Variants in TSPAN9 observed in about 807,000 individuals in gnomAD.
The protein encoded by TSPAN9 is tetraspanin-9.
A neutral mutation model predicts 31.0 loss-of-function variants in TSPAN9; 16 were observed. The observed-to-expected ratio is 0.52, with a 90% confidence interval of 0.35 to 0.78. The LOEUF is 0.78. Among genes scored for constraint, TSPAN9 ranks in the 30% least tolerant of loss-of-function variants. The probability of loss-of-function intolerance (pLI) is 0.01; values close to 1 mark genes in which losing one functional copy is unlikely to be tolerated. For synonymous variants in TSPAN9, 145 were observed against 121.6 expected (o/e 1.19, Z -1.27); for missense variants, 272 against 312.5 (o/e 0.87, Z 0.98).
rs1053907460 is a variant in TSPAN9, at chr12:3,280,599, G to T, written c.432+116G>T. ...ACCTGTGCTTTCTGGATTTTAGCCG[G>T]GAGTGGAGTGGTACCCACGGGGGCA... On this transcript the variant is annotated intron_variant, in intron 6 of 8. Coordinates refer to ENST00000011898, the MANE Select transcript of TSPAN9 (RefSeq NM_006675.5). This position sits in a 1 kb window ranked among gnomAD's most constrained non-coding sequence, Gnocchi z 4.5. 3 of 922,478 alleles carry T rather than the reference G, an allele frequency of 3.3e-6. No homozygotes were observed. Among genetic ancestry groups the T allele is most frequent in the Non-Finnish European group, 5.0e-6 (3 of 602,942 alleles). The allele number at this position is 922,478 out of a possible 1,614,324, so 57.1% of individuals were successfully genotyped here. A position where few individuals can be genotyped will look rare whatever the true frequency, so the allele number is the denominator to read the frequency against.
At chr12:3,278,050 A>C (rs191788899) in intron 3 of TSPAN9, among the ~76,000 whole-genome samples, 312 of 152,278 alleles carry the variant, frequency 2.0e-3, no homozygotes, top group Non-Finnish European at 3.5e-3. Context: ...TCCGTCTTGG[A>C]CACTGGGGCC....
chr12:3,131,217 G>A (rs955578062), intron 2 of TSPAN9, among the ~76,000 whole-genome samples: 1 of 151,444 alleles, frequency 6.6e-6, no homozygotes, highest in Non-Finnish European at 1.5e-5. Context: ...GTCCCAGCCG[G>A]CCTTCGAGGT....
intron 2 of TSPAN9, among the ~76,000 whole-genome samples, chr12:3,118,451 G>T (rs1489781564): frequency 1.3e-5 from 2 of 151,506 alleles, no homozygotes; most frequent in Non-Finnish European, 2.9e-5. Context: ...TGTAGAGACG[G>T]GGTTTTACCA....
intron 1 of TSPAN9, among the ~76,000 whole-genome samples, chr12:3,080,674 A>G (rs549757626): frequency 6.6e-6 from 1 of 152,326 alleles, no homozygotes; most frequent in Non-Finnish European, 1.5e-5. Flanking sequence ...CCATTCTTAA[A>G]TGTACAGTTC....
At chr12:3,191,725 A>G (rs2098364522) in intron 2 of TSPAN9, among the ~76,000 whole-genome samples, 1 of 152,186 alleles carries the variant, frequency 6.6e-6, no homozygotes, top group South Asian at 2.1e-4. Flanking sequence ...AGTACTGGGT[A>G]CTGGGTGTAA....
intron 3 of TSPAN9, among the ~76,000 whole-genome samples, chr12:3,206,020 A>C (rs915311207): frequency 2.0e-5 from 3 of 152,298 alleles, no homozygotes; most frequent in African/African-American, 4.8e-5. Context: ...GGTAGAGAAG[A>C]GAAAGTCCCA....
intron 3 of TSPAN9, among the ~76,000 whole-genome samples, chr12:3,246,137 A>AG (rs35119180): frequency 0.79 from 118,732 of 150,790 alleles, 51,572 homozygotes; most frequent in Non-Finnish European, 0.97. Context: ...TGGAAGATGA[A>AG]GGGGAACAGG....
chr12:3,210,161 C>A (rs1051651667), intron 3 of TSPAN9, among the ~76,000 whole-genome samples: 1 of 151,508 alleles, frequency 6.6e-6, no homozygotes, highest in Non-Finnish European at 1.5e-5. Context: ...AAAAAAGTTT[C>A]TAAGCATGAA....
At chr12:3,141,380 C>T (rs1157741497) in intron 2 of TSPAN9, among the ~76,000 whole-genome samples, 1 of 152,166 alleles carries the variant, frequency 6.6e-6, no homozygotes, top group East Asian at 1.9e-4. Context: ...GGTCTCCCAG[C>T]CTGGTGGTGA....
intron 3 of TSPAN9, among the ~76,000 whole-genome samples, chr12:3,213,571 G>A (rs138723369): frequency 3.2e-4 from 49 of 152,278 alleles, no homozygotes; most frequent in African/African-American, 9.9e-4. Flanking sequence ...CTGAGTGCAC[G>A]AGGTGCTCAC....
At chr12:3,214,815 A>G (rs1391274890) in intron 3 of TSPAN9, among the ~76,000 whole-genome samples, 20 of 151,982 alleles carry the variant, frequency 1.3e-4, no homozygotes, top group Admixed American at 1.3e-3. Context: ...TATTGTTAGA[A>G]GCCTTAATTA....
rs1157759899 is a variant in TSPAN9, at chr12:3,283,108, G to A, written c.712G>A (p.Asp238Asn). Residue 238 changes from aspartate to asparagine, a missense_variant, in exon 9 of 9, where the codon GAC becomes AAC. Physicochemically the swap from Asp to Asn is conservative, Grantham distance 23 (BLOSUM62 1). Coordinates refer to ENST00000011898, the MANE Select transcript of TSPAN9 (RefSeq NM_006675.5). Reference protein sequence around the residue: ...QHIHRTGKKYDA With the variant: ...QHIHRTGKKYNA ...CATCCACCGGACTGGTAAGAAGTAC[G>A]ACGCATGAGCGGGCTGGCCGGGAGT... is the stretch of plus-strand genomic sequence containing the variant. 10 of 1,608,702 alleles carry A rather than the reference G, an allele frequency of 6.2e-6. No individual in the cohort carries two copies. The highest frequency in any genetic ancestry group is 4.5e-5 in the East Asian group (2 of 44,874).
chr12:3,206,315 C>G (rs766744013), intron 3 of TSPAN9: 3 of 455,934 alleles, frequency 6.6e-6, no homozygotes. Flanking sequence ...TGACTGGGCT[C>G]GCAGAGGGCG....
At chr12:3,218,343 C>A (rs374629883) in intron 3 of TSPAN9, among the ~76,000 whole-genome samples, 1 of 152,188 alleles carries the variant, frequency 6.6e-6, no homozygotes, top group Non-Finnish European at 1.5e-5. Flanking sequence ...GAGGCGTGTT[C>A]TCTGCTTTTA....
At chr12:3,081,324 G>T (rs138551152) in intron 1 of TSPAN9, among the ~76,000 whole-genome samples, 1 of 152,082 alleles carries the variant, frequency 6.6e-6, no homozygotes, top group African/African-American at 2.4e-5. Flanking sequence ...CGGTGCATTC[G>T]CCTGGCATTC....
rs1565582007 is a variant in TSPAN9, at chr12:3,118,257, T to TTTTTTTTTTTTTTG, written c.-18+34551_-18+34552insGTTTTTTTTTTTTT. On this transcript the variant is annotated intron_variant, in intron 2 of 8. Coordinates refer to ENST00000011898, the MANE Select transcript of TSPAN9 (RefSeq NM_006675.5). ...TTCCGCACCGCCCCTGCACCCGCCG[T>TTTTTTTTTTTTTTG]TTTTTTTTTTTTTTTTTTTTTTTGA... 1.4e-4 allele frequency among the ~76,000 whole-genome samples: 5 copies of TTTTTTTTTTTTTTG among 36,358 alleles called. 1 individual carries two copies. The highest frequency in any genetic ancestry group is 1.9e-4 in the Non-Finnish European group (4 of 21,430). The allele number at this position is 36,358 out of a possible 152,430, so 23.9% of individuals were successfully genotyped here.
chr12:3,153,657 G>A (rs552323238), intron 2 of TSPAN9, among the ~76,000 whole-genome samples: 2 of 152,236 alleles, frequency 1.3e-5, no homozygotes, highest in East Asian at 1.9e-4. Context: ...AGTAGAAACT[G>A]CACTAATACA....
At chr12:3,213,977 C>T (rs1009398996) in intron 3 of TSPAN9, among the ~76,000 whole-genome samples, 6 of 152,198 alleles carry the variant, frequency 3.9e-5, no homozygotes, top group South Asian at 2.1e-4. Flanking sequence ...AGTTAACTCT[C>T]GCTTGTATCT....
chr12:3,181,685 G>T (rs548943415), intron 2 of TSPAN9, among the ~76,000 whole-genome samples: 1 of 152,294 alleles, frequency 6.6e-6, no homozygotes, highest in Non-Finnish European at 1.5e-5. Flanking sequence ...CACGCCCAAA[G>T]TCACATTGTC....
Sources: allele counts gnomAD v4.1 joint callset (sites outside exome capture counted in the v4.1 genomes callset), GRCh38; gene constraint gnomAD v4.1.1; non-coding constraint Gnocchi (gnomAD v3.1); transcripts MANE v1.5; gene names NCBI Gene and HGNC (gene_info 2026-07-23, HGNC 2026-07-21).